Variants in RNASET2 observed in about 807,000 individuals in gnomAD.
RNASET2 encodes ribonuclease 6.
A neutral mutation model predicts 33.9 loss-of-function variants in RNASET2; 28 were observed. The observed-to-expected ratio is 0.83, with a 90% CI of 0.61 to 1.13. The LOEUF (loss-of-function observed/expected upper bound fraction) is 1.13. Among genes scored for constraint, RNASET2 ranks in the 50% most tolerant of loss-of-function variants. RNASET2 has a pLI of 0.00. For missense variants in RNASET2, 330 were observed against 319.9 expected (o/e 1.03, Z -0.24); for synonymous variants, 123 against 121.0 (o/e 1.02, Z -0.11).
chr6:166,922,336 T>C lies in RNASET2; in HGVS notation c.*7252A>G, dbSNP rs569629367. Among the ~76,000 whole-genome samples, 18 of 152,318 alleles carry C rather than the reference T, an allele frequency of 1.2e-4. No homozygotes were observed. Among genetic ancestry groups the C allele is most frequent in the African/African-American group, 4.3e-4 (18 of 41,572 alleles). On this transcript the variant is annotated 3_prime_UTR_variant, in exon 9 of 9. Transcript: ENST00000508775. Reference sequence around the variant, plus strand: ...CGTTGGTGTTTGCCTGATAATATCTTACACCTCATCTCTCATCATCAGCAA... The same window carrying C: ...CGTTGGTGTTTGCCTGATAATATCTCACACCTCATCTCTCATCATCAGCAA...
chr6:166,941,969 A>G (rs1464063743), intron 5 of RNASET2, among the ~76,000 whole-genome samples: 2 of 152,026 alleles, frequency 1.3e-5, no homozygotes, highest in African/African-American at 2.4e-5. Context: ...GTGCTTCACT[A>G]TGACTGAGGT....
intron 1 of RNASET2, among the ~76,000 whole-genome samples, chr6:166,953,754 T>G (rs1160390900): frequency 1.3e-5 from 2 of 152,054 alleles, no homozygotes; most frequent in South Asian, 2.1e-4. Flanking sequence ...GGCATGAACC[T>G]GTAGTCCCAG....
chr6:166,938,721 G>C (rs1410989787), intron 6 of RNASET2, 174 bp downstream of exon 6: 2 of 771,596 alleles, frequency 2.6e-6, no homozygotes, highest in African/African-American at 3.4e-5. Flanking sequence ...ATCTGGAAAG[G>C]CTTGGTAGGC....
chr6:166,949,609 T>C (rs1778935916), intron 2 of RNASET2, among the ~76,000 whole-genome samples: 1 of 151,152 alleles, frequency 6.6e-6, no homozygotes, highest in Admixed American at 6.6e-5. Context: ...GTTGAGGAAG[T>C]AGAACAGAAA....
chr6:166,955,993 C>T, intron 1 of RNASET2, 104 bp downstream of exon 1: 1 of 1,250,248 alleles, frequency 8.0e-7, no homozygotes, highest in Non-Finnish European at 1.1e-6. Flanking sequence ...AGTCGCTGCC[C>T]GGGGCTCAGC....
Position 166,929,212 on chromosome 6 carries a change from A to G in RNASET2, c.*376T>C, listed in dbSNP as rs539897680. Among the ~76,000 whole-genome samples the G allele has an allele frequency of 3.3e-5, 5 of 152,370 alleles. No homozygotes were observed. The South Asian group carries it at 1.0e-3, about 32-fold the overall frequency. ...CATGCGTGGAGCTCTTCGTCTTGAC[A>G]GGGTCCCTGCGCCAAGAAGGCAACA... On this transcript the variant is annotated 3_prime_UTR_variant, in exon 9 of 9. Coordinates refer to ENST00000508775, the MANE Select transcript of RNASET2 (RefSeq NM_003730.6).
intron 5 of RNASET2, among the ~76,000 whole-genome samples, chr6:166,941,921 C>T (rs1367115976): frequency 1.3e-5 from 2 of 152,142 alleles, no homozygotes; most frequent in Non-Finnish European, 2.9e-5. Flanking sequence ...TTCAACATGG[C>T]GTTTATGCCC....
chr6:166,938,770 G>A, intron 6 of RNASET2, 125 bp downstream of exon 6: 1 of 778,604 alleles, frequency 1.3e-6, no homozygotes, highest in South Asian at 1.4e-5. Context: ...TAGCCGAATA[G>A]TGCACATGCA....
chr6:166,953,822 G>A (rs1282207830), intron 1 of RNASET2, among the ~76,000 whole-genome samples: 1 of 150,598 alleles, frequency 6.6e-6, no homozygotes, highest in East Asian at 2.0e-4. Flanking sequence ...GGAAGATGCA[G>A]TGAGCCCAGA....
chr6:166,952,095 A>G (rs1239885884), intron 2 of RNASET2, among the ~76,000 whole-genome samples: 1 of 152,232 alleles, frequency 6.6e-6, no homozygotes, highest in Admixed American at 6.5e-5. Context: ...GTGAAGGAGA[A>G]GGCAGAGATT....
chr6:166,943,806 T>A (rs1778758244), intron 4 of RNASET2: 1 of 468,344 alleles, frequency 2.1e-6, no homozygotes, highest in Non-Finnish European at 4.4e-6. Flanking sequence ...TCCATCCAAT[T>A]TTTCTGTAAA....
intron 4 of RNASET2, among the ~76,000 whole-genome samples, chr6:166,946,382 G>C (rs1415519294): frequency 1.3e-5 from 2 of 152,256 alleles, no homozygotes; most frequent in Admixed American, 6.5e-5. Flanking sequence ...CGAGCGTCAG[G>C]ATCTGCACAG....
Position 166,933,234 on chromosome 6 carries a change from C to T in RNASET2, c.492+857G>A, listed in dbSNP as rs940967667. ...GTAAAGGTCCACGTCGTAAATATCC[C>T]GGGATTTGTGGATGACACATCGGTC... On this transcript the variant is annotated intron_variant, in intron 7 of 8. Transcript: ENST00000508775. This position sits in a 1 kb window ranked among gnomAD's most constrained non-coding sequence, Gnocchi z 4.1. 4 of 152,196 alleles carry T rather than the reference C, an allele frequency of 2.6e-5. No homozygotes were observed. The highest frequency in any genetic ancestry group is 4.8e-5 in the African/African-American group (2 of 41,442). The allele number at this position is 152,196 out of a possible 1,614,324, so 9.4% of individuals were successfully genotyped here. A position where few individuals can be genotyped will look rare whatever the true frequency, so the allele number is the denominator to read the frequency against.
intron 5 of RNASET2, among the ~76,000 whole-genome samples, chr6:166,942,462 C>G (rs1778715028): frequency 6.6e-6 from 1 of 152,146 alleles, no homozygotes; most frequent in Non-Finnish European, 1.5e-5. Flanking sequence ...CTTTGTTAAG[C>G]CTCAGAAGAG....
At position 166,923,572 on chromosome 6, in the gene RNASET2, T is replaced by C. The variant is rs1050317778; in HGVS notation, c.*6016A>G. On this transcript the variant is annotated 3_prime_UTR_variant, in exon 9 of 9. Transcript: ENST00000508775. The stretch of plus-strand genomic sequence containing the variant: ...CTGAGCCTAAAATGCTAATTCTGTC[T>C]TTTTTGTCTAAAATAAATGGAAGGC... 5.3e-5 allele frequency among the ~76,000 whole-genome samples: 8 copies of C among 152,066 alleles called. No individual in the cohort carries two copies. Among genetic ancestry groups the C allele is most frequent in the Non-Finnish European group, 1.0e-4 (7 of 68,006 alleles).
At position 166,926,962 on chromosome 6, in the gene RNASET2, G is replaced by T. The variant is rs555225731; in HGVS notation, c.*2626C>A. Among the ~76,000 whole-genome samples, 6 of 152,190 alleles carry T rather than the reference G, an allele frequency of 3.9e-5. No homozygotes were observed. The highest frequency in any genetic ancestry group is 1.4e-4 in the African/African-American group (6 of 41,520). Reference sequence around the variant, plus strand: ...ATGCGCCTGCTCCTTTGTCCCCCTGGGAGACACTTGTACCCCCAGCTCTGA... The same window carrying T: ...ATGCGCCTGCTCCTTTGTCCCCCTGTGAGACACTTGTACCCCCAGCTCTGA... On this transcript the variant is annotated 3_prime_UTR_variant, in exon 9 of 9. Transcript: ENST00000508775.
chr6:166,940,459 T>C (rs536065751), intron 5 of RNASET2, among the ~76,000 whole-genome samples: 76 of 152,354 alleles, frequency 5.0e-4, no homozygotes, highest in African/African-American at 1.8e-3. Flanking sequence ...AATTACCTGA[T>C]AACTTCCTAT....
intron 4 of RNASET2, 184 bp downstream of exon 4, chr6:166,946,498 G>A (rs576569534): frequency 3.2e-6 from 2 of 618,354 alleles, no homozygotes; most frequent in Non-Finnish European, 5.9e-6. Context: ...AGAGGGAAAA[G>A]GTCAATTGGT....
chr6:166,948,609 C>G lies in RNASET2; in HGVS notation c.164G>C (p.Cys55Ser). The G allele has an allele frequency of 6.3e-7, 1 of 1,597,734 alleles. No individual in the cohort carries two copies. Among genetic ancestry groups the G allele is most frequent in the Non-Finnish European group, 8.6e-7 (1 of 1,166,100 alleles). ...ETVCEKIQNDCRDPPDYWTIH... is the reference protein window; with the variant it reads ...ETVCEKIQNDSRDPPDYWTIH... ...TGTCCAGTAATCCGGAGGGTCTCTA[C>G]AGTCGTTTTGAATTTTCTAGGGAGA... The change falls in exon 3 of 9, where the codon TGT (cysteine) becomes TCT (serine). Residue 55 changes from cysteine to serine, a missense_variant. Physicochemically the swap from Cys to Ser is moderately radical, Grantham distance 112 (BLOSUM62 -1). Coordinates refer to ENST00000508775, the MANE Select transcript of RNASET2 (RefSeq NM_003730.6).
Sources: gnomAD v4.1 joint callset for allele counts (sites outside exome capture counted in the v4.1 genomes callset) on GRCh38, gnomAD v4.1.1 for gene constraint, Gnocchi (gnomAD v3.1) non-coding constraint, MANE v1.5 for transcripts, NCBI Gene and HGNC (gene_info 2026-07-23, HGNC 2026-07-21) for gene names.